The following TENM2 variants were observed in gnomAD, a reference collection of about 807,000 sequenced individuals.
TENM2 encodes teneurin-2.
A neutral mutation model predicts 245.2 loss-of-function variants in TENM2; 52 were observed. That is an observed-to-expected ratio of 0.21 (90% CI 0.17 to 0.27). The LOEUF is 0.27. TENM2 is among the 10% of genes least tolerant of loss of function. The probability of loss-of-function intolerance (pLI) is 1.00; values close to 1 mark genes in which losing one functional copy is unlikely to be tolerated. For missense variants in TENM2, 3,046 were observed against 3,666.8 expected (o/e 0.83, Z 4.37); for synonymous variants, 1,363 against 1,438.9 (o/e 0.95, Z 1.19).
At position 167,451,649 on chromosome 5, in the gene TENM2, A is replaced by AT. The variant is rs35346886; in HGVS notation, c.502+76190dup. ...AGGAGCAGATGCCCTATAGCAACTG[A>AT]TTTTTTTTTTTTTTCTTGAGACGGA... On this transcript the variant is annotated intron_variant, in intron 2 of 28. Coordinates refer to ENST00000518659, the Ensembl canonical transcript of TENM2. Among the ~76,000 whole-genome samples, 232 of 145,544 alleles carry AT rather than the reference A, an allele frequency of 1.6e-3. 2 individuals carry two copies. The highest frequency in any genetic ancestry group is 7.5e-3 in the Middle Eastern group (2 of 268).
chr5:167,248,792 A>G, the TENM2 span, among the ~76,000 whole-genome samples: 6 of 66,578 alleles, frequency 9.0e-5, no homozygotes, highest in East Asian at 5.2e-4. Context: ...GTATATATAT[A>G]TGTGTGCGTG....
the TENM2 span, among the ~76,000 whole-genome samples, chr5:167,128,426 C>G: frequency 1.3e-5 from 2 of 152,108 alleles, no homozygotes; most frequent in African/African-American, 4.8e-5. Flanking sequence ...AAAACTCAGA[C>G]GGCTGATTCA....
intron 2 of TENM2, among the ~76,000 whole-genome samples, chr5:167,820,245 G>C (rs774879330): frequency 6.6e-6 from 1 of 152,184 alleles, no homozygotes; most frequent in African/African-American, 2.4e-5. Context: ...AGGGAAGAGA[G>C]GGGGAGAAAT....
rs181144212 is a variant in TENM2 at position 167,641,841 on chromosome 5, G to A, written c.503-234145G>A. On this transcript the variant is annotated intron_variant, in intron 2 of 28. Transcript: ENST00000518659. ...GACCCACTAACATACCACCATGCCT[G>A]GCACAAAAATAACACTCACGGCAGA... Among the ~76,000 whole-genome samples, 10 of 152,118 alleles carry A rather than the reference G, an allele frequency of 6.6e-5. No individual in the cohort carries two copies. The East Asian group carries it at 1.9e-3, about 29-fold the overall frequency.
chr5:167,009,831 C>T, the TENM2 span, among the ~76,000 whole-genome samples: 2 of 152,110 alleles, frequency 1.3e-5, no homozygotes, highest in Non-Finnish European at 2.9e-5. Flanking sequence ...CTTTTTCCAT[C>T]CATCACATTG....
the TENM2 span, among the ~76,000 whole-genome samples, chr5:167,007,999 C>T: frequency 1.3e-4 from 20 of 152,252 alleles, no homozygotes; most frequent in African/African-American, 4.1e-4. This position sits in a 1 kb window ranked among gnomAD's most constrained non-coding sequence, Gnocchi z 4.2. Context: ...AGTAACCCAC[C>T]GTTGGATGTT....
the TENM2 span, among the ~76,000 whole-genome samples, chr5:167,061,005 T>G: frequency 6.6e-6 from 1 of 152,020 alleles, no homozygotes; most frequent in Admixed American, 6.6e-5. Context: ...GTTCTAAAAT[T>G]TTTAGTTTTC....
chr5:167,710,435 AAGG>A (rs1277331140), intron 2 of TENM2, among the ~76,000 whole-genome samples: 1 of 152,172 alleles, frequency 6.6e-6, no homozygotes, highest in Non-Finnish European at 1.5e-5. Flanking sequence ...TAACCTAGGA[AAGG>A]AGAATGACAG....
intron 2 of TENM2, among the ~76,000 whole-genome samples, chr5:167,497,583 A>T (rs1768899427): frequency 6.6e-6 from 1 of 152,080 alleles, no homozygotes. Flanking sequence ...GCCAAATTCC[A>T]GGTTAGGTAA....
At chr5:167,467,593 A>G (rs1276395838) in intron 2 of TENM2, among the ~76,000 whole-genome samples, 1 of 151,782 alleles carries the variant, frequency 6.6e-6, no homozygotes, top group Non-Finnish European at 1.5e-5. Flanking sequence ...TCCCACATAG[A>G]AGCCCTTCTA....
intron 1 of TENM2, among the ~76,000 whole-genome samples, chr5:167,299,871 AAG>A (rs1291059200): frequency 8.5e-5 from 13 of 152,176 alleles, no homozygotes; most frequent in African/African-American, 3.1e-4. Flanking sequence ...AGTACAGCTG[AAG>A]GAGCCAGGGA....
chr5:167,069,628 C>T, the TENM2 span, among the ~76,000 whole-genome samples: 1 of 152,112 alleles, frequency 6.6e-6, no homozygotes, highest in Non-Finnish European at 1.5e-5. Context: ...CCTACTTATG[C>T]ACAATTTTGT....
chr5:168,059,758 CT>C (rs559213974), intron 6 of TENM2, among the ~76,000 whole-genome samples: 248 of 152,238 alleles, frequency 1.6e-3, no homozygotes, highest in Non-Finnish European at 3.0e-3. Flanking sequence ...GTGTTTCCCC[CT>C]GGACATGCCA....
intron 2 of TENM2, among the ~76,000 whole-genome samples, chr5:167,457,899 A>C (rs1766020365): frequency 6.6e-6 from 1 of 152,182 alleles, no homozygotes; most frequent in Admixed American, 6.5e-5. Context: ...GGAATCTTTT[A>C]AGCAAAATAT....
At chr5:167,606,396 GA>G (rs1397346779) in intron 2 of TENM2, among the ~76,000 whole-genome samples, 3 of 151,996 alleles carry the variant, frequency 2.0e-5, no homozygotes, top group Non-Finnish European at 4.4e-5. Flanking sequence ...GGAGGGAGGA[GA>G]GGGGCAGAGG....
rs551992747 is a variant in TENM2, at chr5:167,766,880, AAAAAAC to A, written c.503-109082_503-109077del. Among the ~76,000 whole-genome samples the A allele has an allele frequency of 1.8e-3, 278 of 152,254 alleles. 1 individual carries two copies. The highest frequency in any genetic ancestry group is 6.1e-3 in the African/African-American group (252 of 41,528). Reference sequence around the variant, plus strand: ...GGAGACAGAGTGAGACTCCATCTCAAAAAAACAAAAACAAAAACAAAAACAAAAAAC... The same window carrying A: ...GGAGACAGAGTGAGACTCCATCTCAAAAAAACAAAAACAAAAACAAAAAAC... On this transcript the variant is annotated intron_variant, in intron 2 of 28. Coordinates refer to ENST00000518659, the Ensembl canonical transcript of TENM2.
intron 2 of TENM2, among the ~76,000 whole-genome samples, chr5:167,381,356 G>A (rs1024147785): frequency 2.0e-5 from 3 of 152,132 alleles, no homozygotes; most frequent in Non-Finnish European, 2.9e-5. Context: ...TTTGAGTAAT[G>A]TTAAAGGAGT....
intron 2 of TENM2, among the ~76,000 whole-genome samples, chr5:167,695,648 T>G (rs1480251819): frequency 6.6e-6 from 1 of 152,042 alleles, no homozygotes; most frequent in Non-Finnish European, 1.5e-5. Flanking sequence ...GTGTTGAACT[T>G]TTTACATTTT....
intron 5 of TENM2, among the ~76,000 whole-genome samples, chr5:168,020,540 T>C (rs758306399): frequency 1.8e-4 from 27 of 152,304 alleles, no homozygotes; most frequent in Middle Eastern, 3.4e-3. Flanking sequence ...CATGAGAGTA[T>C]CATTCCCTGC....
Sources: allele counts gnomAD v4.1 joint callset (sites outside exome capture counted in the v4.1 genomes callset), GRCh38; gene constraint gnomAD v4.1.1; non-coding constraint Gnocchi (gnomAD v3.1); transcripts MANE v1.5; gene names NCBI Gene and HGNC (gene_info 2026-07-23, HGNC 2026-07-21).